Variants in PLXNB2 observed in about 807,000 individuals in gnomAD.
PLXNB2 encodes the protein plexin B2.
Under a neutral mutation model 202.6 loss-of-function variants are expected in PLXNB2, and 85 were observed. That is an observed-to-expected ratio of 0.42 (90% CI 0.35 to 0.50). The LOEUF is 0.50. PLXNB2 is among the 20% of genes least tolerant of loss of function. The pLI is 0.02. For synonymous variants in PLXNB2, 1,239 were observed against 1,137.6 expected (o/e 1.09, Z -1.79); for missense variants, 2,063 against 2,586.2 (o/e 0.80, Z 4.39).
chr22:50,281,712 G>T lies in PLXNB2; in HGVS notation c.3376C>A (p.Gln1126Lys). The change falls in exon 21 of 37, where the codon CAG (glutamine) becomes AAG (lysine). Residue 1126 changes from glutamine to lysine, a missense_variant. Coordinates refer to ENST00000359337, the MANE Select transcript of PLXNB2 (RefSeq NM_012401.4). ...GCACCCACGAAGGCCTCGGCCTCCT[G>T]CAGCGTCATCGCCTTGTTCAGATTG... ...GTNLNKAMTL[Q>K]EAEAFVGAER... 1 of 1,562,078 alleles carries T rather than the reference G, an allele frequency of 6.4e-7. No homozygotes were observed. Among genetic ancestry groups the T allele is most frequent in the South Asian group, 1.2e-5 (1 of 82,746 alleles).
At chr22:50,287,535 G>T (rs2066547648) in intron 7 of PLXNB2, 132 bp downstream of exon 7, 2 of 1,017,150 alleles carry the variant, frequency 2.0e-6, no homozygotes, top group South Asian at 1.7e-5. Context: ...CATCCCTAAG[G>T]CTCGGTGCCC....
In PLXNB2 at chr22:50,287,709, G is replaced by T; in HGVS notation, c.1566C>A (p.Thr522=). Residue 522 remains threonine, a synonymous_variant, in exon 7 of 37, where the codon ACC becomes ACA. Coordinates refer to ENST00000359337, the MANE Select transcript of PLXNB2 (RefSeq NM_012401.4). ...WSRSKSCVAV[T]SAQPQNMSRR... is the part of the protein sequence containing the mutation. ...GGCTCATGTTCTGTGGCTGGGCGCT[G>T]GTGACGGCCACGCAGGACTTGCTTC... The T allele has an allele frequency of 6.4e-7, 1 of 1,563,222 alleles. No individual in the cohort carries two copies.
Position 50,275,960 on chromosome 22 carries a change from G to C in PLXNB2, c.5341C>G (p.His1781Asp), listed in dbSNP as rs180698014. 1 of 1,612,544 alleles carries C rather than the reference G, an allele frequency of 6.2e-7. No individual in the cohort carries two copies. The highest frequency in any genetic ancestry group is 1.7e-5 in the Admixed American group (1 of 60,014). ...NTHLAEISRA[H>D]TDSLNTLVAL... is the part of the protein sequence containing the mutation. ...ACGAGGGTGTTCAAGGAGTCCGTGT[G>C]CGCCTGGGGGGTGACGGGACAGTCA... The change falls in exon 36 of 37, where the codon CAC (histidine) becomes GAC (aspartate). Residue 1781 changes from histidine (H) to aspartate (D), a missense_variant. By Grantham distance (81) the His-to-Asp change is moderately conservative (BLOSUM62 -1). Coordinates refer to ENST00000359337, the MANE Select transcript of PLXNB2 (RefSeq NM_012401.4).
At position 50,291,865 on chromosome 22, in the gene PLXNB2, G is replaced by A. The variant is rs2066892837; in HGVS notation, c.-13-1268C>T. Among the ~76,000 whole-genome samples the A allele has an allele frequency of 1.3e-5, 2 of 152,122 alleles. No individual in the cohort carries two copies. The highest frequency in any genetic ancestry group is 1.3e-4 in the Admixed American group (2 of 15,282). Reference sequence around the variant, plus strand: ...CAGCCCTGCCATGGCAGGTGCCAAGGGGGTCCAGACTCGATGGCAGAGGGT... The same window carrying A: ...CAGCCCTGCCATGGCAGGTGCCAAGAGGGTCCAGACTCGATGGCAGAGGGT... On this transcript the variant is annotated intron_variant, in intron 2 of 36. Coordinates refer to ENST00000359337, the MANE Select transcript of PLXNB2 (RefSeq NM_012401.4). The surrounding 1 kb of genome is among the most constrained non-coding windows in gnomAD (Gnocchi z 4.3).
At position 50,288,702 on chromosome 22, in the gene PLXNB2, C is replaced by T. The variant is rs768192501; in HGVS notation, c.1380+41G>A. On this transcript the variant is annotated intron_variant, in intron 5 of 36. Coordinates refer to ENST00000359337, the MANE Select transcript of PLXNB2 (RefSeq NM_012401.4). The surrounding 1 kb of genome is among the most constrained non-coding windows in gnomAD (Gnocchi z 5.0). Reference sequence around the variant, plus strand: ...GGGCCTGGGATGCAATGACCGGGCACACTTGGCCTAGAGTGCTCTCCGGGG... The same window carrying T: ...GGGCCTGGGATGCAATGACCGGGCATACTTGGCCTAGAGTGCTCTCCGGGG... 1.2e-6 allele frequency: 2 copies of T among 1,608,398 alleles called. No homozygotes were observed. The highest frequency in any genetic ancestry group is 1.3e-5 in the African/African-American group (1 of 74,876).
chr22:50,306,896 C>G (rs1457888174), intron 1 of PLXNB2, among the ~76,000 whole-genome samples: 1 of 152,214 alleles, frequency 6.6e-6, no homozygotes, highest in Non-Finnish European at 1.5e-5. Context: ...CCAGATCTGC[C>G]GAATAGCCCG....
chr22:50,303,284 C>T lies in PLXNB2; in HGVS notation c.-74+4269G>A, dbSNP rs574243066. 6.6e-5 allele frequency among the ~76,000 whole-genome samples: 10 copies of T among 152,326 alleles called. No individual in the cohort carries two copies. The South Asian group carries it at 2.1e-3, about 32-fold the overall frequency. ...CCACCCACGCAGCCTGAGGCATAGC[C>T]CCCTGGAAACTGCCTCGGCCTTCAG... On this transcript the variant is annotated intron_variant, in intron 1 of 36. Transcript: ENST00000359337.
chr22:50,280,448 G>T (rs369723867), intron 25 of PLXNB2, 41 bp downstream of exon 25: 2 of 1,551,782 alleles, frequency 1.3e-6, no homozygotes, highest in African/African-American at 1.4e-5. Context: ...CCCTGCGGCC[G>T]CCCCGCCCGT....
intron 1 of PLXNB2, among the ~76,000 whole-genome samples, chr22:50,304,625 C>T (rs2067822717): frequency 1.3e-5 from 2 of 152,056 alleles, no homozygotes; most frequent in Admixed American, 6.6e-5. Context: ...AGGGCAGCTG[C>T]CTCCCCGGGG....
At position 50,287,714 on chromosome 22, in the gene PLXNB2, C is replaced by T. The variant is rs930904680; in HGVS notation, c.1561G>A (p.Val521Ile). The T allele has an allele frequency of 3.7e-5, 58 of 1,565,410 alleles. No homozygotes were observed. Among genetic ancestry groups the T allele is most frequent in the Non-Finnish European group, 4.8e-5 (56 of 1,160,392 alleles). Residue 521 changes from valine to isoleucine, a missense_variant, in exon 7 of 37, where the codon GTC becomes ATC. Val to Ile is a conservative substitution (Grantham distance 29). Transcript: ENST00000359337. The stretch of plus-strand genomic sequence containing the variant: ...ATGTTCTGTGGCTGGGCGCTGGTGA[C>T]GGCCACGCAGGACTTGCTTCGGCTC... ...LWSRSKSCVA[V>I]TSAQPQNMSR...
In PLXNB2 at chr22:50,290,420, G is replaced by C. The variant is rs1471417535; in HGVS notation, c.165C>G (p.Tyr55Ter). 1 of 1,612,972 alleles carries C rather than the reference G, an allele frequency of 6.2e-7. No individual in the cohort carries two copies. The highest frequency in any genetic ancestry group is 1.7e-5 in the Admixed American group (1 of 60,020). The change falls in exon 3 of 37, where the codon TAC (tyrosine) becomes TAG (stop). Residue 55 changes from tyrosine to a stop codon, truncating the protein, a stop_gained. Coordinates refer to ENST00000359337, the MANE Select transcript of PLXNB2 (RefSeq NM_012401.4). LOFTEE classifies it high-confidence loss of function. Reference sequence around the variant, plus strand: ...CCAGCTGCAGCTTCGCATCCAGCTGGTAGAGGGCATTCACCGCCCCCAGGT... The same window carrying C: ...CCAGCTGCAGCTTCGCATCCAGCTGCTAGAGGGCATTCACCGCCCCCAGGT... Reference protein sequence around the residue: ...VVYLGAVNALYQLDAKLQLEQ... With the variant: ...VVYLGAVNAL
At chr22:50,303,149 G>A (rs1443228567) in intron 1 of PLXNB2, among the ~76,000 whole-genome samples, 1 of 151,754 alleles carries the variant, frequency 6.6e-6, no homozygotes, top group Non-Finnish European at 1.5e-5. Flanking sequence ...CTTCTGGCCT[G>A]TCCTCAGAGC....
At position 50,283,678 on chromosome 22, in the gene PLXNB2, C is replaced by A; in HGVS notation, c.2494G>T (p.Ala832Ser). 1 of 1,613,164 alleles carries A rather than the reference C, an allele frequency of 6.2e-7. No homozygotes were observed. The highest frequency in any genetic ancestry group is 8.5e-7 in the Non-Finnish European group (1 of 1,179,940). ...ACAGAGATCCTCTGGATGTCCCCTG[C>A]TTGGACGCCCAAATTGGACCCCAGG... is the stretch of plus-strand genomic sequence containing the variant. ...TILGSNLGVQ[A>S]GDIQRISVAG... Residue 832 changes from alanine to serine, a missense_variant, in exon 15 of 37, where the codon GCA becomes TCA. Physicochemically the swap from Ala to Ser is moderately conservative, Grantham distance 99. This residue lies in a region of PLXNB2 where 1,303 missense variants were observed against 1,476.8 expected (regional missense o/e 0.88). Transcript: ENST00000359337.
At chr22:50,287,069 C>T (rs187717634) in intron 8 of PLXNB2, 42 bp downstream of exon 8, 7 of 1,462,482 alleles carry the variant, frequency 4.8e-6, no homozygotes, top group African/African-American at 2.8e-5. Context: ...GGGCCCCGTG[C>T]GACCGAGAAG....
rs558556904 is a variant in PLXNB2 at position 50,277,049 on chromosome 22, G to A, written c.5197-143C>T. ...GGGCCGGGCGCAGTGGCTCAGGCCT[G>A]TAATCCTAGCACTTTGGGAGGCTGA... is the stretch of plus-strand genomic sequence containing the variant. On this transcript the variant is annotated intron_variant, in intron 33 of 36. Coordinates refer to ENST00000359337, the MANE Select transcript of PLXNB2 (RefSeq NM_012401.4). The A allele has an allele frequency of 1.1e-3, 742 of 650,042 alleles. 4 individuals carry two copies. The highest frequency in any genetic ancestry group is 1.7e-3 in the Non-Finnish European group (622 of 365,898). The allele number at this position is 650,042 out of a possible 1,614,324, so 40.3% of individuals were successfully genotyped here.
chr22:50,307,505 C>A (rs899791761), intron 1 of PLXNB2, 48 bp downstream of exon 1: 7 of 936,472 alleles, frequency 7.5e-6, no homozygotes, highest in East Asian at 1.2e-4. Flanking sequence ...AAGCCCCCCC[C>A]ACGCCCAGCG....
At position 50,279,689 on chromosome 22, in the gene PLXNB2, C is replaced by T; in HGVS notation, c.4330G>A (p.Ala1444Thr). The T allele has an allele frequency of 1.2e-6, 2 of 1,613,974 alleles. No individual in the cohort carries two copies. Among genetic ancestry groups the T allele is most frequent in the Non-Finnish European group, 1.7e-6 (2 of 1,179,972 alleles). ...CCCGTGTCGTTGAGAGTGTACTTGGCCTTCTTCTGTACCGCATCCACCGGG... is the reference window on the plus strand; with the variant it reads ...CCCGTGTCGTTGAGAGTGTACTTGGTCTTCTTCTGTACCGCATCCACCGGG... ...KGPVDAVQKK[A>T]KYTLNDTGLL... The change falls in exon 27 of 37, where the codon GCC (alanine) becomes ACC (threonine). Residue 1444 changes from alanine (A) to threonine (T), a missense_variant. By Grantham distance (58) the Ala-to-Thr change is moderately conservative (BLOSUM62 0). Around this residue, in one of 2 missense-constraint regions of PLXNB2, gnomAD observed 760 missense variants for 1,109.4 expected, o/e 0.69. Transcript: ENST00000359337.
At chr22:50,276,792 G>T (rs776084839) in intron 34 of PLXNB2, 50 bp downstream of exon 34, 18 of 1,598,362 alleles carry the variant, frequency 1.1e-5, no homozygotes, top group Non-Finnish European at 1.5e-5. Flanking sequence ...CTCCCCGCAG[G>T]GGGTCGAGGG....
At chr22:50,305,385 G>A (rs2067847918) in intron 1 of PLXNB2, among the ~76,000 whole-genome samples, 2 of 152,306 alleles carry the variant, frequency 1.3e-5, no homozygotes, top group South Asian at 2.1e-4. Flanking sequence ...GCAGGCCGCC[G>A]GGCACACACC....
Sources: gnomAD v4.1 joint callset for allele counts (sites outside exome capture counted in the v4.1 genomes callset) on GRCh38, gnomAD v4.1.1 for gene constraint, gnomAD v4.1.1 regional missense constraint, Gnocchi (gnomAD v3.1) non-coding constraint, MANE v1.5 for transcripts, NCBI Gene and HGNC (gene_info 2026-07-23, HGNC 2026-07-21) for gene names.